Variants in TNKS2 observed in about 807,000 individuals in gnomAD.
TNKS2 encodes poly [ADP-ribose] polymerase tankyrase-2.
Under a neutral mutation model 137.6 loss-of-function variants are expected in TNKS2, and 72 were observed. The ratio of observed to expected loss-of-function variants is 0.52; its 90% CI spans 0.43 to 0.64. The LOEUF (loss-of-function observed/expected upper bound fraction) is 0.64, where lower values mean the gene tolerates loss of function less well. Ranked by LOEUF, TNKS2 falls within the 30% of genes least tolerant of loss-of-function variation. The probability of loss-of-function intolerance (pLI) is 0.00; values close to 1 mark genes in which losing one functional copy is unlikely to be tolerated. For missense variants in TNKS2, 1,049 were observed against 1,410.2 expected, an observed-to-expected ratio of 0.74 and a Z score of 4.10; for synonymous variants, 516 against 512.1, an observed-to-expected ratio of 1.01 and a Z score of -0.10.
intron 11 of TNKS2, among the ~76,000 whole-genome samples, chr10:91,832,089 C>T (rs965775332): frequency 1.3e-5 from 2 of 152,026 alleles, no homozygotes; most frequent in Admixed American, 1.3e-4. Flanking sequence ...TTTTGTGTTG[C>T]CTCTCTGTGT....
chr10:91,849,276 G>A (rs1213121338), intron 19 of TNKS2, among the ~76,000 whole-genome samples: 1 of 152,194 alleles, frequency 6.6e-6, no homozygotes, highest in African/African-American at 2.4e-5. Flanking sequence ...TAAAAATATA[G>A]ATGCAATTAA....
intron 19 of TNKS2, 39 bp downstream of exon 19, chr10:91,848,674 G>T: frequency 1.2e-6 from 2 of 1,604,898 alleles, no homozygotes; most frequent in Non-Finnish European, 1.7e-6. Context: ...AACTGGTATT[G>T]TAGCCCCGTA....
intron 18 of TNKS2, 64 bp from the exon 19 acceptor site, chr10:91,848,319 T>TATTAGGTATAATAGCATTTTAAA: frequency 6.7e-7 from 1 of 1,496,158 alleles, no homozygotes; most frequent in Non-Finnish European, 9.0e-7. Flanking sequence ...AAATATATTT[T>TATTAGGTATAATAGCATTTTAAA]ATTAGGTATA....
chr10:91,831,246 G>C, intron 11 of TNKS2, 65 bp downstream of exon 11: 1 of 1,376,850 alleles, frequency 7.3e-7, no homozygotes, highest in Admixed American at 1.7e-5. Context: ...CAGGTGAAAT[G>C]CCTGACTTCC....
At chr10:91,813,452 A>G (rs978459097) in intron 2 of TNKS2, among the ~76,000 whole-genome samples, 1 of 152,202 alleles carries the variant, frequency 6.6e-6, no homozygotes, top group African/African-American at 2.4e-5. Flanking sequence ...GAAAATATAC[A>G]AAGAGCCAGA....
intron 3 of TNKS2, among the ~76,000 whole-genome samples, chr10:91,817,812 T>G (rs1844759782): frequency 6.6e-6 from 1 of 152,222 alleles, no homozygotes; most frequent in Non-Finnish European, 1.5e-5. Context: ...GGCTATAGTT[T>G]AGATTGACAA....
chr10:91,843,714 G>A (rs928063364), intron 16 of TNKS2, among the ~76,000 whole-genome samples: 7 of 152,102 alleles, frequency 4.6e-5, no homozygotes, highest in Non-Finnish European at 8.8e-5. Flanking sequence ...TAGACACAGC[G>A]GACTCATACA....
At chr10:91,851,461 T>C in intron 21 of TNKS2, 125 bp downstream of exon 21, 1 of 1,127,140 alleles carries the variant, frequency 8.9e-7, no homozygotes, top group Middle Eastern at 3.0e-4. Flanking sequence ...TAATTTAGGA[T>C]TCAGGAAACT....
chr10:91,837,566 G>T (rs1262679295), intron 13 of TNKS2, among the ~76,000 whole-genome samples: 1 of 152,156 alleles, frequency 6.6e-6, no homozygotes, highest in African/African-American at 2.4e-5. Context: ...GTAGAAATAT[G>T]TATGTAAAAC....
intron 15 of TNKS2, 21 bp from the exon 16 acceptor site, chr10:91,842,151 T>C (rs764613712): frequency 1.3e-6 from 2 of 1,571,444 alleles, no homozygotes; most frequent in African/African-American, 1.4e-5. Context: ...CCCCCTTTTT[T>C]TCTGTTTTTC....
At chr10:91,802,185 TTATTA>T (rs1844192735) in intron 1 of TNKS2, among the ~76,000 whole-genome samples, 1 of 152,220 alleles carries the variant, frequency 6.6e-6, no homozygotes, top group African/African-American at 2.4e-5. Context: ...CGGACTTGGA[TTATTA>T]TATTCAATTG....
intron 5 of TNKS2, 115 bp from the exon 6 acceptor site, chr10:91,819,824 C>A: frequency 1.2e-6 from 1 of 846,800 alleles, no homozygotes; most frequent in South Asian, 2.3e-5. Flanking sequence ...AAATTGATAA[C>A]TACTTAGCGA....
In TNKS2 at chr10:91,798,696, G is replaced by C. The variant is rs1042108456; in HGVS notation, c.6G>C (p.Ser2=). 1.6e-6 allele frequency: 2 copies of C among 1,230,386 alleles called. No homozygotes were observed. Among genetic ancestry groups the C allele is most frequent in the African/African-American group, 1.6e-5 (1 of 63,828 alleles). The allele number at this position is 1,230,386 out of a possible 1,614,324, so 76.2% of individuals were successfully genotyped here. The change falls in exon 1 of 27, where the codon TCG becomes TCC. Residue 2 remains serine (S), a synonymous_variant. Coordinates refer to ENST00000371627, the MANE Select transcript of TNKS2 (RefSeq NM_025235.4). ...CTGTGGCGGCGGCCAGGATCATGTC[G>C]GGTCGCCGCTGCGCCGGCGGGGGAG... The part of the protein sequence containing the change: M[S]GRRCAGGGAA...
chr10:91,823,692 A>G (rs1052694936), intron 7 of TNKS2, among the ~76,000 whole-genome samples: 6 of 152,006 alleles, frequency 3.9e-5, no homozygotes, highest in Admixed American at 3.3e-4. Flanking sequence ...TTGGAAGTGG[A>G]TCCCAGGATG....
In TNKS2 at chr10:91,828,406, G is replaced by A; in HGVS notation, c.1104G>A (p.Leu368=). The change falls in exon 9 of 27, where the codon TTG becomes TTA. Residue 368 remains leucine, a splice_region_variant and synonymous_variant. Coordinates refer to ENST00000371627, the MANE Select transcript of TNKS2 (RefSeq NM_025235.4). ...FKHPQTHETA[L]HCAAASPYPK... is the part of the protein sequence containing the mutation. ...ATCCTCAAACACATGAAACAGCATT[G>A]GTAATGTTTCAGATTTAAGTTTTTA... 1 of 1,561,430 alleles carries A rather than the reference G, an allele frequency of 6.4e-7. No homozygotes were observed. The highest frequency in any genetic ancestry group is 2.0e-5 in the Admixed American group (1 of 49,182).
chr10:91,839,256 A>G (rs1429057392), intron 13 of TNKS2, among the ~76,000 whole-genome samples: 2 of 152,018 alleles, frequency 1.3e-5, no homozygotes, highest in African/African-American at 2.4e-5. Flanking sequence ...TTTCATAACT[A>G]CACTTCCTCC....
intron 11 of TNKS2, among the ~76,000 whole-genome samples, chr10:91,832,253 A>G (rs945232723): frequency 2.0e-5 from 3 of 152,078 alleles, no homozygotes; most frequent in Non-Finnish European, 2.9e-5. Context: ...TGCTGTTTTC[A>G]TACTTGTGGT....
At chr10:91,822,967 C>T (rs1327243164) in intron 7 of TNKS2, among the ~76,000 whole-genome samples, 3 of 150,542 alleles carry the variant, frequency 2.0e-5, no homozygotes, top group Admixed American at 6.6e-5. Flanking sequence ...GCAGGAGAAT[C>T]GTTTGAACCC....
intron 13 of TNKS2, among the ~76,000 whole-genome samples, chr10:91,839,826 A>AC (rs927417916): frequency 6.6e-6 from 1 of 152,324 alleles, no homozygotes. Context: ...GATCTTGTTA[A>AC]AGGGCAAATT....
Sources: gnomAD v4.1 joint callset for allele counts (sites outside exome capture counted in the v4.1 genomes callset) on GRCh38, gnomAD v4.1.1 for gene constraint, MANE v1.5 for transcripts, NCBI Gene and HGNC (gene_info 2026-07-23, HGNC 2026-07-21) for gene names.